The following CRACR2A variants were observed in gnomAD, a reference collection of about 807,000 sequenced individuals.
CRACR2A encodes calcium release activated channel regulator 2A.
A neutral mutation model predicts 90.5 loss-of-function variants in CRACR2A; 79 were observed. The observed-to-expected ratio is 0.87, with a 90% CI of 0.73 to 1.05. The LOEUF (loss-of-function observed/expected upper bound fraction) is 1.05, where lower values mean the gene tolerates loss of function less well. Among genes scored for constraint, CRACR2A ranks in the 50% least tolerant of loss-of-function variants. CRACR2A has a pLI of 0.00. For synonymous variants in CRACR2A, 338 were observed against 356.7 expected, an observed-to-expected ratio of 0.95 and a Z score of 0.59; for missense variants, 823 against 897.2, an observed-to-expected ratio of 0.92 and a Z score of 1.06.
At position 3,720,695 on chromosome 12, in the gene CRACR2A, G is replaced by C. The variant is rs147996737; in HGVS notation, c.-117-7378C>G. Among the ~76,000 whole-genome samples, 684 of 152,290 alleles carry C rather than the reference G, an allele frequency of 4.5e-3. 5 individuals carry two copies. Among genetic ancestry groups the C allele is most frequent in the Non-Finnish European group, 7.2e-3 (489 of 68,026 alleles). On this transcript the variant is annotated intron_variant, in intron 2 of 19. Transcript: ENST00000440314. ...TCCCTACCCCGAGCTTTTTGGAAGA[G>C]AGCCTGTGTTATTCCCACTTCCAAT...
intron 17 of CRACR2A, among the ~76,000 whole-genome samples, chr12:3,620,745 G>T (rs980913386): frequency 6.6e-6 from 1 of 152,122 alleles, no homozygotes; most frequent in Non-Finnish European, 1.5e-5. Context: ...CTCTAAAAAT[G>T]GTATCTATTG....
At chr12:3,625,261 C>T (rs916249373) in intron 17 of CRACR2A, among the ~76,000 whole-genome samples, 4 of 152,028 alleles carry the variant, frequency 2.6e-5, no homozygotes, top group African/African-American at 7.3e-5. Context: ...ATGATTTCAG[C>T]CCCGTCCCAC....
At chr12:3,624,190 A>G (rs1944211660) in intron 17 of CRACR2A, among the ~76,000 whole-genome samples, 1 of 152,042 alleles carries the variant, frequency 6.6e-6, no homozygotes. Flanking sequence ...TTTTTCTTGT[A>G]TGCTTTTCAG....
chr12:3,664,053 C>A (rs1437981805), intron 7 of CRACR2A, among the ~76,000 whole-genome samples: 2 of 152,210 alleles, frequency 1.3e-5, no homozygotes, highest in African/African-American at 4.8e-5. Flanking sequence ...CAATGACCTT[C>A]CAAGTTTCAT....
chr12:3,741,679 C>T (rs1946527117), intron 1 of CRACR2A, among the ~76,000 whole-genome samples: 1 of 152,172 alleles, frequency 6.6e-6, no homozygotes, highest in Non-Finnish European at 1.5e-5. Flanking sequence ...AGCATGGCTT[C>T]CCCACCTGAG....
Position 3,666,330 on chromosome 12 carries a change from C to CGTGTGTGTGTGTGTGTGTGT in CRACR2A, c.672-6696_672-6677dup, listed in dbSNP as rs750488682. Among the ~76,000 whole-genome samples the CGTGTGTGTGTGTGTGTGTGT allele has an allele frequency of 2.8e-3, 385 of 139,628 alleles. 4 individuals are homozygous for CGTGTGTGTGTGTGTGTGTGT. The highest frequency in any genetic ancestry group is 9.4e-3 in the African/African-American group (352 of 37,610). The allele number at this position is 139,628 out of a possible 152,430, so 91.6% of individuals were successfully genotyped here. A position where few individuals can be genotyped will look rare whatever the true frequency, so the allele number is the denominator to read the frequency against. ...AATGTCCCTCCCTAAAGGACGGCTG[C>CGTGTGTGTGTGTGTGTGTGT]GTGTGTGTGTGTGTGTGTGTGTGTG... On this transcript the variant is annotated intron_variant, in intron 7 of 19. Transcript: ENST00000440314.
chr12:3,663,213 TG>T (rs1397383802), intron 7 of CRACR2A, among the ~76,000 whole-genome samples: 1 of 152,070 alleles, frequency 6.6e-6, no homozygotes, highest in Non-Finnish European at 1.5e-5. Flanking sequence ...TTTACAATTT[TG>T]GGTACCGAAC....
intron 2 of CRACR2A, among the ~76,000 whole-genome samples, chr12:3,721,359 C>A (rs1167628153): frequency 7.6e-6 from 1 of 131,256 alleles, no homozygotes; most frequent in Non-Finnish European, 1.6e-5. Context: ...CATAGCAAGA[C>A]CCCGTCTCTA....
chr12:3,648,521 G>A (rs1326116614), intron 11 of CRACR2A, 21 bp downstream of exon 11: 3 of 1,614,076 alleles, frequency 1.9e-6, no homozygotes, highest in Non-Finnish European at 2.5e-6. Context: ...TCTCAGCACA[G>A]GCCAGTGCCC....
chr12:3,672,474 G>A (rs1162669224), intron 7 of CRACR2A, among the ~76,000 whole-genome samples: 1 of 152,216 alleles, frequency 6.6e-6, no homozygotes, highest in Non-Finnish European at 1.5e-5. Context: ...AAGATTTCAT[G>A]GCAGAAGCAT....
chr12:3,665,867 T>C (rs946195551), intron 7 of CRACR2A, among the ~76,000 whole-genome samples: 20 of 152,212 alleles, frequency 1.3e-4, no homozygotes, highest in Non-Finnish European at 2.8e-4. Context: ...AGTATGACTC[T>C]GGGCAAAATA....
rs986101015 is a variant in CRACR2A, at chr12:3,633,023, G to A, written c.1735+581C>T. Among the ~76,000 whole-genome samples, 13 of 152,220 alleles carry A rather than the reference G, an allele frequency of 8.5e-5. No homozygotes were observed. Among genetic ancestry groups the A allele is most frequent in the African/African-American group, 2.9e-4 (12 of 41,452 alleles). On this transcript the variant is annotated intron_variant, in intron 15 of 19. Transcript: ENST00000440314. This position sits in a 1 kb window ranked among gnomAD's most constrained non-coding sequence, Gnocchi z 4.5. ...ATCACCCAGAGTGGGAATACATTAA[G>A]CCATGATCATCCATTAATAGCTGAG...
intron 17 of CRACR2A, 21 bp downstream of exon 17, chr12:3,627,415 C>T: frequency 6.5e-7 from 1 of 1,537,972 alleles, no homozygotes; most frequent in Non-Finnish European, 8.8e-7. Flanking sequence ...CTAAATGCTC[C>T]TAGGAAGGTC....
intron 1 of CRACR2A, among the ~76,000 whole-genome samples, chr12:3,739,673 T>G (rs1399857343): frequency 6.6e-6 from 1 of 152,288 alleles, no homozygotes; most frequent in African/African-American, 2.4e-5. Flanking sequence ...CGGTGGCTCA[T>G]GCCTGTAATC....
intron 1 of CRACR2A, among the ~76,000 whole-genome samples, chr12:3,739,402 C>T (rs1441297193): frequency 6.6e-6 from 1 of 152,194 alleles, no homozygotes; most frequent in East Asian, 1.9e-4. Flanking sequence ...CCCAGCATAG[C>T]TTCTGTATCT....
At chr12:3,642,834 C>T (rs1400249442) in intron 12 of CRACR2A, among the ~76,000 whole-genome samples, 1 of 152,198 alleles carries the variant, frequency 6.6e-6, no homozygotes, top group African/African-American at 2.4e-5. Context: ...GGGAGTTAGA[C>T]TGCAGGAAAT....
At chr12:3,636,826 C>T (rs1012469909) in intron 14 of CRACR2A, among the ~76,000 whole-genome samples, 3 of 152,234 alleles carry the variant, frequency 2.0e-5, no homozygotes, top group Non-Finnish European at 4.4e-5. Flanking sequence ...AGTCTTAATC[C>T]TGGCCTGAGA....
chr12:3,745,825 T>TAAAATAAAATAAAATAAAA (rs149739964), intron 1 of CRACR2A, among the ~76,000 whole-genome samples: 1 of 100,486 alleles, frequency 1.0e-5, no homozygotes, highest in Non-Finnish European at 2.0e-5. Context: ...TAAAATAAAA[T>TAAAATAAAATAAAATAAAA]AAAGAAAGAA....
At chr12:3,680,215 C>A (rs943196383) in intron 5 of CRACR2A, 23 bp downstream of exon 5, 3 of 1,595,652 alleles carry the variant, frequency 1.9e-6, no homozygotes, top group Admixed American at 1.7e-5. Context: ...ACCCTGAGGT[C>A]CCCAGCACCC....
Sources: allele counts gnomAD v4.1 joint callset (sites outside exome capture counted in the v4.1 genomes callset), GRCh38; gene constraint gnomAD v4.1.1; non-coding constraint Gnocchi (gnomAD v3.1); transcripts MANE v1.5; gene names NCBI Gene and HGNC (gene_info 2026-07-23, HGNC 2026-07-21).